TSHZ2: variants seen among roughly 807,000 people sequenced by gnomAD.
The protein encoded by TSHZ2 is teashirt homolog 2.
In TSHZ2, 21 loss-of-function variants were observed where a neutral mutation model predicts 74.4. The observed-to-expected ratio is 0.28, with a 90% CI of 0.20 to 0.41. TSHZ2 has a LOEUF of 0.41. TSHZ2 is among the 10% of genes least tolerant of loss of function. TSHZ2 has a pLI of 1.00. For synonymous variants in TSHZ2, 540 were observed against 515.3 expected, an observed-to-expected ratio of 1.05 and a Z score of -0.65; for missense variants, 1,244 against 1,293.5, an observed-to-expected ratio of 0.96 and a Z score of 0.59.
chr20:53,268,986 C>T (rs1445398725), intron 2 of TSHZ2, among the ~76,000 whole-genome samples: 2 of 151,954 alleles, frequency 1.3e-5, no homozygotes, highest in African/African-American at 4.8e-5. Context: ...TAATACTCAT[C>T]TTTCAGTGAT....
At chr20:53,092,572 G>A (rs1021981659) in intron 1 of TSHZ2, among the ~76,000 whole-genome samples, 12 of 152,328 alleles carry the variant, frequency 7.9e-5, no homozygotes, top group Admixed American at 3.9e-4. Context: ...CACATGCTAT[G>A]TCTTTAGTTT....
chr20:53,286,206 T>C (rs528801646), intron 2 of TSHZ2, among the ~76,000 whole-genome samples: 9 of 152,364 alleles, frequency 5.9e-5, no homozygotes, highest in African/African-American at 2.2e-4. Flanking sequence ...TGTTTGTTCC[T>C]AAGCGGAGTG....
At chr20:53,077,866 A>G (rs565081754) in intron 1 of TSHZ2, among the ~76,000 whole-genome samples, 3 of 152,088 alleles carry the variant, frequency 2.0e-5, no homozygotes, top group Admixed American at 6.5e-5. Flanking sequence ...TTGGCTGCTC[A>G]CTCTCCCTGT....
At chr20:53,060,473 C>A (rs1359114426) in intron 1 of TSHZ2, among the ~76,000 whole-genome samples, 2 of 152,186 alleles carry the variant, frequency 1.3e-5, no homozygotes, top group Non-Finnish European at 2.9e-5. Flanking sequence ...CCCAATTTCC[C>A]TGCCTCCCTA....
intron 1 of TSHZ2, among the ~76,000 whole-genome samples, chr20:53,205,443 AC>A (rs1989143600): frequency 6.6e-6 from 1 of 152,334 alleles, no homozygotes; most frequent in Admixed American, 6.5e-5. Flanking sequence ...TTGAGCTGAA[AC>A]CAACTATTTG....
At chr20:53,228,028 T>TG (rs1413090116) in intron 1 of TSHZ2, among the ~76,000 whole-genome samples, 4 of 150,472 alleles carry the variant, frequency 2.7e-5, no homozygotes, top group African/African-American at 7.3e-5. Context: ...TGTTTTTTTT[T>TG]TTTTTTTTTT....
Position 53,349,289 on chromosome 20 carries a change from T to C in TSHZ2, c.*8+92718T>C, listed in dbSNP as rs186694861. ...TACATAAGCCAAGCATTAGAAACAATGCCCACCACATAGCAAAGTCTTTTA... is the reference window on the plus strand; with the variant it reads ...TACATAAGCCAAGCATTAGAAACAACGCCCACCACATAGCAAAGTCTTTTA... On this transcript the variant is annotated intron_variant, in intron 2 of 2. Transcript: ENST00000371497. Among the ~76,000 whole-genome samples the C allele has an allele frequency of 1.2e-3, 180 of 152,352 alleles. 4 individuals carry two copies. Among genetic ancestry groups the C allele is most frequent in the Admixed American group, 0.011 (166 of 15,298 alleles).
At chr20:53,024,811 G>A (rs1983377345) in intron 1 of TSHZ2, among the ~76,000 whole-genome samples, 1 of 152,104 alleles carries the variant, frequency 6.6e-6, no homozygotes, top group Admixed American at 6.5e-5. Context: ...CCATGTCCCT[G>A]CAAAGGACGT....
At chr20:53,094,077 G>A (rs1038205456) in intron 1 of TSHZ2, among the ~76,000 whole-genome samples, 2 of 150,598 alleles carry the variant, frequency 1.3e-5, no homozygotes, top group South Asian at 2.1e-4. Flanking sequence ...TGTAAGTAAA[G>A]TTTTATTGGA....
chr20:53,274,323 G>A (rs1043066492), intron 2 of TSHZ2, among the ~76,000 whole-genome samples: 2 of 152,128 alleles, frequency 1.3e-5, no homozygotes, highest in Non-Finnish European at 1.5e-5. Context: ...CAGGAATTAC[G>A]AAGTGTAAAG....
chr20:52,996,628 T>C (rs965760885), intron 1 of TSHZ2, among the ~76,000 whole-genome samples: 8 of 152,118 alleles, frequency 5.3e-5, no homozygotes, highest in South Asian at 2.1e-4. Flanking sequence ...TTTGCTTTCT[T>C]GTGGAAAAAC....
chr20:53,129,708 T>G (rs956948372), intron 1 of TSHZ2, among the ~76,000 whole-genome samples: 26 of 152,284 alleles, frequency 1.7e-4, no homozygotes, highest in African/African-American at 6.0e-4. Flanking sequence ...AGGTCGGCGC[T>G]GACGGTGCAA....
At chr20:53,262,945 A>G (rs1480870770) in intron 2 of TSHZ2, among the ~76,000 whole-genome samples, 1 of 152,188 alleles carries the variant, frequency 6.6e-6, no homozygotes, top group Middle Eastern at 3.2e-3. Context: ...TGTTGAGAAC[A>G]TTCGCCTCCA....
At chr20:53,345,994 G>A (rs1980425487) in intron 2 of TSHZ2, among the ~76,000 whole-genome samples, 2 of 152,168 alleles carry the variant, frequency 1.3e-5, no homozygotes. Flanking sequence ...AATGAGAAGA[G>A]CCAGCAAACA....
intron 1 of TSHZ2, among the ~76,000 whole-genome samples, chr20:53,077,684 T>C (rs1290081955): frequency 1.3e-5 from 2 of 152,148 alleles, no homozygotes; most frequent in Admixed American, 1.3e-4. Context: ...TATCAAATAC[T>C]GCACAAAGGT....
chr20:53,000,650 T>C (rs988406020), intron 1 of TSHZ2, among the ~76,000 whole-genome samples: 8 of 152,186 alleles, frequency 5.3e-5, no homozygotes, highest in African/African-American at 1.2e-4. Context: ...AACACTGTTA[T>C]AGGATCAGAA....
At position 53,030,987 on chromosome 20, in the gene TSHZ2, A is replaced by G. The variant is rs142633834; in HGVS notation, c.40+57654A>G. 5.2e-3 allele frequency among the ~76,000 whole-genome samples: 797 copies of G among 152,270 alleles called. 3 individuals are homozygous for G. Among genetic ancestry groups the G allele is most frequent in the Non-Finnish European group, 8.4e-3 (568 of 68,008 alleles). On this transcript the variant is annotated intron_variant, in intron 1 of 2. Transcript: ENST00000371497. ...TTATTTAACCTATTAACTTCGCCTT[A>G]TTGCTGAATGTGGGCTTTATTTTTT... is the stretch of plus-strand genomic sequence containing the variant.
In TSHZ2 at chr20:53,377,689, A is replaced by G. The variant is rs189623140; in HGVS notation, c.*9-109455A>G. Among the ~76,000 whole-genome samples the G allele has an allele frequency of 1.6e-3, 233 of 143,860 alleles. 2 individuals are homozygous for G. Among genetic ancestry groups the G allele is most frequent in the Middle Eastern group, 7.1e-3 (2 of 280 alleles). The allele number at this position is 143,860 out of a possible 152,430, so 94.4% of individuals were successfully genotyped here. On this transcript the variant is annotated intron_variant, in intron 2 of 2. Transcript: ENST00000371497. ...CGCCTGAGCAACACGGCAAAACCCCATATCTATAAAAAAAATACAAAAAAT... is the reference window on the plus strand; with the variant it reads ...CGCCTGAGCAACACGGCAAAACCCCGTATCTATAAAAAAAATACAAAAAAT...
At chr20:53,477,591 A>G (rs1291820403) in intron 2 of TSHZ2, among the ~76,000 whole-genome samples, 29 of 145,198 alleles carry the variant, frequency 2.0e-4, no homozygotes, top group African/African-American at 7.7e-4. Context: ...CATTCAGGAC[A>G]TAGGCATGGG....
Sources: gnomAD v4.1 joint callset for allele counts (sites outside exome capture counted in the v4.1 genomes callset) on GRCh38, gnomAD v4.1.1 for gene constraint, MANE v1.5 for transcripts, NCBI Gene and HGNC (gene_info 2026-07-23, HGNC 2026-07-21) for gene names.